Variants in KLHL8 observed in about 807,000 individuals in gnomAD.
KLHL8 encodes kelch like family member 8, also known as kelch-like protein 8.
A neutral mutation model predicts 63.5 loss-of-function variants in KLHL8; 38 were observed. The ratio of observed to expected loss-of-function variants is 0.60; its 90% CI spans 0.46 to 0.78. The LOEUF is 0.78. Ranked by LOEUF, KLHL8 falls within the 30% of genes least tolerant of loss-of-function variation. The pLI is 0.00. For missense variants in KLHL8, 566 were observed against 752.4 expected (o/e 0.75, Z 2.90); for synonymous variants, 224 against 254.3 (o/e 0.88, Z 1.13).
At chr4:87,229,192 C>T (rs1019747163) in intron 1 of KLHL8, among the ~76,000 whole-genome samples, 6 of 152,022 alleles carry the variant, frequency 3.9e-5, no homozygotes, top group Admixed American at 2.0e-4. Flanking sequence ...TATAGAAGGC[C>T]AGAGGGTAAT....
intron 1 of KLHL8, among the ~76,000 whole-genome samples, chr4:87,230,066 G>A (rs1733108190): frequency 1.3e-5 from 2 of 152,054 alleles, no homozygotes; most frequent in Non-Finnish European, 2.9e-5. Context: ...AGCAATTTGA[G>A]GAGAGTTTAG....
At chr4:87,174,404 C>A (rs1223526353) in intron 6 of KLHL8, among the ~76,000 whole-genome samples, 2 of 151,834 alleles carry the variant, frequency 1.3e-5, no homozygotes, top group African/African-American at 2.4e-5. Flanking sequence ...TTAGCCTCCG[C>A]AGCAGCTGGG....
chr4:87,231,973 C>A (rs1032924545), intron 1 of KLHL8, among the ~76,000 whole-genome samples: 16 of 152,198 alleles, frequency 1.1e-4, no homozygotes, highest in African/African-American at 2.9e-4. Flanking sequence ...ATGAATCTAA[C>A]ATAAACATAC....
chr4:87,229,510 C>A (rs555490297), intron 1 of KLHL8, among the ~76,000 whole-genome samples: 288 of 150,692 alleles, frequency 1.9e-3, no homozygotes, highest in Middle Eastern at 0.01. Flanking sequence ...TCTTGGCTCG[C>A]AACCTCTGCC....
chr4:87,236,964 T>G (rs942524691), intron 1 of KLHL8, among the ~76,000 whole-genome samples: 1 of 152,170 alleles, frequency 6.6e-6, no homozygotes, highest in Non-Finnish European at 1.5e-5. Context: ...GCACCTAGTC[T>G]GTATTGTGTC....
chr4:87,190,280 A>G (rs909043528), intron 2 of KLHL8, among the ~76,000 whole-genome samples: 3 of 152,098 alleles, frequency 2.0e-5, no homozygotes, highest in African/African-American at 7.2e-5. Context: ...TGATTACTGT[A>G]AATACTATTA....
In KLHL8 at chr4:87,183,384, G is replaced by A. The variant is rs1261812387; in HGVS notation, c.771C>T (p.Arg257=). The change falls in exon 4 of 10, where the codon CGC becomes CGT. Residue 257 remains arginine, a synonymous_variant. Coordinates refer to ENST00000273963, the MANE Select transcript of KLHL8 (RefSeq NM_020803.5). ...GAAAATCAACCGGCAACAATGGCAGGCGAACCTAAGATCATGAATAGTTGC... is the reference window on the plus strand; with the variant it reads ...GAAAATCAACCGGCAACAATGGCAGACGAACCTAAGATCATGAATAGTTGC... ...KWLDETLAQV[R]LPLLPVDFLM... 6.2e-7 allele frequency: 1 copy of A among 1,602,662 alleles called. No homozygotes were observed. The highest frequency in any genetic ancestry group is 1.7e-4 in the Middle Eastern group (1 of 6,010).
In KLHL8 at chr4:87,163,924, T is replaced by C. The variant is rs151215416; in HGVS notation, c.1693A>G (p.Asn565Asp). The stretch of plus-strand genomic sequence containing the variant: ...GCTTCTACTGTATTTAAGTATGCAT[T>C]GCCATTATGACCACCAACTGCAAAG... Reference protein sequence around the residue: ...KIFAVGGHNGNAYLNTVEAFD... With the variant: ...KIFAVGGHNGDAYLNTVEAFD... Residue 565 changes from asparagine to aspartate, a missense_variant, in exon 9 of 10, where the codon AAT becomes GAT. By Grantham distance (23) the Asn-to-Asp change is conservative. Coordinates refer to ENST00000273963, the MANE Select transcript of KLHL8 (RefSeq NM_020803.5). The C allele has an allele frequency of 2.6e-4, 420 of 1,614,200 alleles. No individual in the cohort carries two copies. The highest frequency in any genetic ancestry group is 6.2e-4 in the Admixed American group (37 of 60,028).
intron 2 of KLHL8, among the ~76,000 whole-genome samples, chr4:87,191,569 T>C (rs534658298): frequency 5.9e-5 from 9 of 152,254 alleles, no homozygotes; most frequent in Admixed American, 2.6e-4. Flanking sequence ...TATTTTTCTT[T>C]TATTGTAAAT....
At chr4:87,236,307 C>G (rs1321891883) in intron 1 of KLHL8, among the ~76,000 whole-genome samples, 4 of 151,270 alleles carry the variant, frequency 2.6e-5, no homozygotes, top group Non-Finnish European at 4.4e-5. Context: ...CTCCCAGGTT[C>G]AAGTGATTCT....
intron 4 of KLHL8, among the ~76,000 whole-genome samples, chr4:87,179,716 G>A (rs556515356): frequency 2.0e-4 from 30 of 152,150 alleles, no homozygotes; most frequent in African/African-American, 3.6e-4. Flanking sequence ...TTTCAATGCC[G>A]CAGTGAGCTA....
At chr4:87,164,940 A>T (rs910800249) in intron 8 of KLHL8, among the ~76,000 whole-genome samples, 1 of 152,034 alleles carries the variant, frequency 6.6e-6, no homozygotes, top group African/African-American at 2.4e-5. Flanking sequence ...CGAGGTCAGG[A>T]GATCGAGACC....
At chr4:87,224,523 A>G (rs1486318401), upstream of KLHL8, among the ~76,000 whole-genome samples, 1 of 152,166 alleles carries the variant, frequency 6.6e-6, no homozygotes, top group East Asian at 1.9e-4. Context: ...AAGAGTTGCT[A>G]AGGTTCTTTG....
chr4:87,230,181 G>A (rs187575762), intron 1 of KLHL8, among the ~76,000 whole-genome samples: 1 of 152,264 alleles, frequency 6.6e-6, no homozygotes, highest in East Asian at 1.9e-4. Context: ...GCTGTATGTA[G>A]AGCACCTCTT....
intron 1 of KLHL8, among the ~76,000 whole-genome samples, chr4:87,216,186 TAATGATAATGAATCAATC>T (rs1483956458): frequency 6.6e-6 from 1 of 152,206 alleles, no homozygotes; most frequent in African/African-American, 2.4e-5. Context: ...AATACCTGCC[TAATGATAATGAATCAATC>T]AAAGGTACCA....
intron 1 of KLHL8, among the ~76,000 whole-genome samples, chr4:87,218,143 A>C (rs2110057129): frequency 6.6e-6 from 1 of 152,256 alleles, no homozygotes; most frequent in African/African-American, 2.4e-5. Context: ...TACATGGGAA[A>C]TCTCTATACC....
intron 1 of KLHL8, among the ~76,000 whole-genome samples, chr4:87,209,083 GC>G (rs905420295): frequency 6.6e-6 from 1 of 152,074 alleles, no homozygotes; most frequent in African/African-American, 2.4e-5. Context: ...TATTCACTCT[GC>G]CTAAGAAACT....
At chr4:87,214,058 A>G (rs1183615585) in intron 1 of KLHL8, among the ~76,000 whole-genome samples, 1 of 152,180 alleles carries the variant, frequency 6.6e-6, no homozygotes, top group South Asian at 2.1e-4. Context: ...TATTACTTTT[A>G]TAAATTATGT....
intron 1 of KLHL8, among the ~76,000 whole-genome samples, chr4:87,203,506 G>T (rs1489572959): frequency 6.7e-6 from 1 of 149,844 alleles, no homozygotes; most frequent in Non-Finnish European, 1.5e-5. Flanking sequence ...CCCAGCCTGG[G>T]TGACAGAGCA....
Sources: gnomAD v4.1 joint callset for allele counts (sites outside exome capture counted in the v4.1 genomes callset) on GRCh38, gnomAD v4.1.1 for gene constraint, MANE v1.5 for transcripts, NCBI Gene and HGNC (gene_info 2026-07-23, HGNC 2026-07-21) for gene names.